ZKSCAN3: variants seen among roughly 807,000 people sequenced by gnomAD.
ZKSCAN3 encodes the protein zinc finger protein with KRAB and SCAN domains 3.
ZKSCAN3 carries 21 observed loss-of-function variants against 30.7 expected under a neutral mutation model. The ratio of observed to expected loss-of-function variants is 0.68; its 90% confidence interval spans 0.49 to 0.99. The LOEUF is 0.99. Among genes scored for constraint, ZKSCAN3 ranks in the 50% least tolerant of loss-of-function variants. ZKSCAN3 has a pLI of 0.00. For synonymous variants in ZKSCAN3, 201 were observed against 246.7 expected (o/e 0.81, Z 1.73); for missense variants, 507 against 647.1 (o/e 0.78, Z 2.35).
At position 28,350,081 on chromosome 6, in the gene ZKSCAN3, A is replaced by AGTGTGT. The variant is rs955657610; in HGVS notation, c.-63+16_-63+17insGTGTGT. On this transcript the variant is annotated intron_variant, in intron 1 of 5. Transcript: ENST00000252211. ...CCCCGGGTAGAGGTGCGTTTGCAGG[A>AGTGTGT]GTATGTGTGTGTGTGTGTGTGTGTG... 4.0e-5 allele frequency: 4 copies of AGTGTGT among 100,278 alleles called. No individual in the cohort carries two copies. Among genetic ancestry groups the AGTGTGT allele is most frequent in the African/African-American group, 1.8e-4 (3 of 16,486 alleles). 6.2% of individuals were successfully genotyped at this position (100,278 alleles called of 1,614,324 possible).
At chr6:28,354,003 C>T (rs750332451) in intron 1 of ZKSCAN3, 24 of 453,914 alleles carry the variant, frequency 5.3e-5, no homozygotes, top group Middle Eastern at 6.9e-4. Context: ...CTGCAGCTCT[C>T]ACACTGTCTG....
chr6:28,353,543 C>A, intron 1 of ZKSCAN3: 1 of 197,308 alleles, frequency 5.1e-6, no homozygotes, highest in Non-Finnish European at 1.1e-5. Flanking sequence ...ATGGCTGGTG[C>A]TGTTGTTTCT....
At chr6:28,365,013 A>G (rs1357024405) in intron 5 of ZKSCAN3, among the ~76,000 whole-genome samples, 2 of 152,176 alleles carry the variant, frequency 1.3e-5, no homozygotes, top group Admixed American at 1.3e-4. Context: ...AAGGTATTTC[A>G]GAAATCCTTC....
At chr6:28,361,230 C>T (rs1765754817) in intron 2 of ZKSCAN3, 94 bp from the exon 3 acceptor site, 1 of 1,351,662 alleles carries the variant, frequency 7.4e-7, no homozygotes, top group Non-Finnish European at 1.0e-6. Flanking sequence ...AATGAGTTAA[C>T]ATTTATAATG....
chr6:28,361,836 C>A (rs1201653863), intron 3 of ZKSCAN3, among the ~76,000 whole-genome samples: 1 of 151,738 alleles, frequency 6.6e-6, no homozygotes, highest in Non-Finnish European at 1.5e-5. Flanking sequence ...CAAGCAGCCT[C>A]CACTTCCTGG....
intron 5 of ZKSCAN3, among the ~76,000 whole-genome samples, chr6:28,365,095 T>TA (rs1765904777): frequency 6.6e-6 from 1 of 152,144 alleles, no homozygotes; most frequent in Non-Finnish European, 1.5e-5. Context: ...GGCCCTGCCT[T>TA]ACAATTCTTA....
At chr6:28,362,923 G>A (rs1272177286) in intron 3 of ZKSCAN3, among the ~76,000 whole-genome samples, 2 of 152,186 alleles carry the variant, frequency 1.3e-5, no homozygotes, top group Non-Finnish European at 2.9e-5. Context: ...CAGATGGAAA[G>A]CTTTTTTGTT....
rs1444519564 is a variant in ZKSCAN3 at position 28,355,465 on chromosome 6, A to G, written c.-62-4060A>G. ...TCAGCTCCCTTCCAAAGTTGGGACC[A>G]AAAGTCTACTGGCATTCTAAAGAGC... On this transcript the variant is annotated intron_variant, in intron 1 of 5. Transcript: ENST00000252211. 6 of 152,254 alleles carry G rather than the reference A, an allele frequency of 3.9e-5. No individual in the cohort carries two copies. In the South Asian group the frequency reaches 8.3e-4, roughly 21 times the overall value. The allele number at this position is 152,254 out of a possible 1,614,324, so 9.4% of individuals were successfully genotyped here.
rs762886652 is a variant in ZKSCAN3 at position 28,359,829 on chromosome 6, C to T, written c.243C>T (p.Ser81=). 2.5e-5 allele frequency: 40 copies of T among 1,614,060 alleles called. No individual in the cohort carries two copies. In the Middle Eastern group the frequency reaches 5.0e-4, roughly 20 times the overall value. Residue 81 remains serine, a synonymous_variant, in exon 2 of 6, where the codon AGC becomes AGT. Transcript: ENST00000252211. ...AGTGGCTGCAGCCTGAGATGCACAG[C>T]AAGGAGCAGATCCTGGAGCTGCTGG... is the stretch of plus-strand genomic sequence containing the variant. ...CRQWLQPEMH[S]KEQILELLVL...
At chr6:28,363,964 C>G (rs1308546061) in intron 5 of ZKSCAN3, 149 bp downstream of exon 5, 1 of 1,044,060 alleles carries the variant, frequency 9.6e-7, no homozygotes, top group Admixed American at 2.9e-5. Flanking sequence ...AGCTCCTTAC[C>G]CTTTCTTTTT....
At chr6:28,350,868 T>C (rs1446040317) in intron 1 of ZKSCAN3, among the ~76,000 whole-genome samples, 1 of 152,192 alleles carries the variant, frequency 6.6e-6, no homozygotes, top group Non-Finnish European at 1.5e-5. Flanking sequence ...TCAAAGGCTT[T>C]AAGACTCGGG....
chr6:28,365,449 A>C lies in ZKSCAN3; in HGVS notation c.781A>C (p.Arg261=). Residue 261 remains arginine, a synonymous_variant, in exon 6 of 6, where the codon AGG becomes CGG. Coordinates refer to ENST00000252211, the MANE Select transcript of ZKSCAN3 (RefSeq NM_024493.4). ...AGGTGATGAAAAACAGACTAAGAGCAGGGACTTGCCTCCAGCTGAGGAGCT... is the reference window on the plus strand; with the variant it reads ...AGGTGATGAAAAACAGACTAAGAGCCGGGACTTGCCTCCAGCTGAGGAGCT... ...SLGDEKQTKS[R]DLPPAEELPE... is the part of the protein sequence containing the mutation. 1 of 1,612,250 alleles carries C rather than the reference A, an allele frequency of 6.2e-7. No homozygotes were observed. Among genetic ancestry groups the C allele is most frequent in the Non-Finnish European group, 8.5e-7 (1 of 1,179,142 alleles).
chr6:28,362,270 A>G (rs1336557633), intron 3 of ZKSCAN3, among the ~76,000 whole-genome samples: 2 of 152,238 alleles, frequency 1.3e-5, no homozygotes, highest in East Asian at 3.8e-4. Context: ...TACAATTCGT[A>G]TGACAGTGGG....
chr6:28,359,611 A>G lies in ZKSCAN3; in HGVS notation c.25A>G (p.Thr9Ala). 6.2e-7 allele frequency: 1 copy of G among 1,614,212 alleles called. No individual in the cohort carries two copies. The change falls in exon 2 of 6, where the codon ACA (threonine) becomes GCA (alanine). Residue 9 changes from threonine to alanine, a missense_variant. Thr to Ala is a moderately conservative substitution (Grantham distance 58). Transcript: ENST00000252211. The stretch of plus-strand genomic sequence containing the variant: ...GATGGCTAGAGAATTAAGTGAAAGC[A>G]CAGCCCTGGATGCCCAGTCTACAGA... Reference protein sequence around the residue: MARELSESTALDAQSTEDQ... With the variant: MARELSESAALDAQSTEDQ...
intron 1 of ZKSCAN3, among the ~76,000 whole-genome samples, chr6:28,358,962 A>G (rs1180343351): frequency 6.6e-6 from 1 of 150,884 alleles, no homozygotes; most frequent in Non-Finnish European, 1.5e-5. Context: ...TCAGAAGGCC[A>G]GGCAGGCTCA....
At chr6:28,352,418 A>G (rs1264001371) in intron 1 of ZKSCAN3, among the ~76,000 whole-genome samples, 2 of 151,898 alleles carry the variant, frequency 1.3e-5, no homozygotes, top group African/African-American at 4.8e-5. Context: ...ACACCCAGCT[A>G]ATTTTTGTAT....
At chr6:28,358,037 C>T (rs1765540074) in intron 1 of ZKSCAN3, among the ~76,000 whole-genome samples, 1 of 152,190 alleles carries the variant, frequency 6.6e-6, no homozygotes, top group Admixed American at 6.5e-5. Flanking sequence ...TACTACAGTA[C>T]CTTGACCACA....
chr6:28,359,702 A>G lies in ZKSCAN3; in HGVS notation c.116A>G (p.Asp39Gly), dbSNP rs768652183. ...GAAGCCGGTTTTCCCAGTAGCCCAG[A>G]TCTGGGTTCTGAGGGCTCCCGCGAG... ...EEEAGFPSSP[D>G]LGSEGSRERF... The change falls in exon 2 of 6, where the codon GAT becomes GGT. Residue 39 changes from aspartate to glycine, a missense_variant. Asp to Gly is a moderately conservative substitution (Grantham distance 94). Transcript: ENST00000252211. 1 of 1,614,060 alleles carries G rather than the reference A, an allele frequency of 6.2e-7. No individual in the cohort carries two copies. Among genetic ancestry groups the G allele is most frequent in the African/African-American group, 1.3e-5 (1 of 74,914 alleles).
chr6:28,363,399 C>T lies in ZKSCAN3; in HGVS notation c.633+14C>T. The T allele has an allele frequency of 6.2e-7, 1 of 1,611,650 alleles. No homozygotes were observed. ...CCAGAGTCCCAGGTGAGCTGGAGCC[C>T]TATCCCTCCCCCAATGCCCCTCACT... On this transcript the variant is annotated intron_variant, in intron 4 of 5. Coordinates refer to ENST00000252211, the MANE Select transcript of ZKSCAN3 (RefSeq NM_024493.4).
Sources: gnomAD v4.1 joint callset for allele counts (sites outside exome capture counted in the v4.1 genomes callset) on GRCh38, gnomAD v4.1.1 for gene constraint, MANE v1.5 for transcripts, NCBI Gene and HGNC (gene_info 2026-07-23, HGNC 2026-07-21) for gene names.